Variants in CDH4 observed in about 807,000 individuals in gnomAD.
CDH4 encodes the protein cadherin-4.
Under a neutral mutation model 86.0 loss-of-function variants are expected in CDH4, and 33 were observed. That is an observed-to-expected ratio of 0.38 (90% CI 0.29 to 0.51). The LOEUF is 0.51. CDH4 is among the 20% of genes least tolerant of loss of function. CDH4 has a pLI of 0.86. For missense variants in CDH4, 1,114 were observed against 1,307.4 expected, an observed-to-expected ratio of 0.85 and a Z score of 2.28; for synonymous variants, 555 against 549.4, an observed-to-expected ratio of 1.01 and a Z score of -0.14.
At chr20:61,255,985 A>G (rs2084095921) in intron 2 of CDH4, among the ~76,000 whole-genome samples, 1 of 152,224 alleles carries the variant, frequency 6.6e-6, no homozygotes, top group Non-Finnish European at 1.5e-5. Context: ...CTACTGACTC[A>G]TTAATCATCA....
At chr20:61,435,744 G>A (rs112686763) in intron 2 of CDH4, 17 of 152,396 alleles carry the variant, frequency 1.1e-4, no homozygotes, top group Admixed American at 3.3e-4. Context: ...GACAGGAGAC[G>A]TCCTGCAGTC....
At chr20:61,586,694 T>C (rs2086478592) in intron 2 of CDH4, among the ~76,000 whole-genome samples, 1 of 152,118 alleles carries the variant, frequency 6.6e-6, no homozygotes, top group South Asian at 2.1e-4. Flanking sequence ...AGCCAGTGAG[T>C]GGCAGAGCTG....
chr20:61,673,974 A>G (rs1026538698), intron 2 of CDH4, among the ~76,000 whole-genome samples: 2 of 152,218 alleles, frequency 1.3e-5, no homozygotes, highest in South Asian at 2.1e-4. Flanking sequence ...CAGTCTTAAC[A>G]TATATCTTAA....
intron 2 of CDH4, among the ~76,000 whole-genome samples, chr20:61,675,892 C>A (rs2087439951): frequency 6.6e-6 from 1 of 152,254 alleles, no homozygotes; most frequent in South Asian, 2.1e-4. Context: ...GGGTGCCCCT[C>A]ACTGTGCTTT....
chr20:61,752,907 G>C (rs1184747147), intron 3 of CDH4, among the ~76,000 whole-genome samples: 5 of 152,242 alleles, frequency 3.3e-5, no homozygotes, highest in Non-Finnish European at 4.4e-5. Context: ...GGGGACACCA[G>C]AGGGTGGGAG....
intron 7 of CDH4, among the ~76,000 whole-genome samples, chr20:61,886,520 AGGAGCATGCAT>A: frequency 6.6e-6 from 1 of 152,180 alleles, no homozygotes; most frequent in Middle Eastern, 3.4e-3. Flanking sequence ...AGCCCAGGAC[AGGAGCATGCAT>A]CCAGCAGGGC....
At chr20:61,866,555 A>G (rs1983560200) in intron 6 of CDH4, among the ~76,000 whole-genome samples, 1 of 152,064 alleles carries the variant, frequency 6.6e-6, no homozygotes, top group Admixed American at 6.5e-5. Context: ...CATTTCTTTG[A>G]TCAATAATAA....
chr20:61,362,811 G>A (rs1168360696), intron 2 of CDH4, among the ~76,000 whole-genome samples: 1 of 152,108 alleles, frequency 6.6e-6, no homozygotes, highest in Admixed American at 6.5e-5. Context: ...TTCTGTGTTG[G>A]GCCAGAGGAG....
At chr20:61,661,304 A>C (rs1264448650) in intron 2 of CDH4, among the ~76,000 whole-genome samples, 1 of 152,178 alleles carries the variant, frequency 6.6e-6, no homozygotes, top group Non-Finnish European at 1.5e-5. Flanking sequence ...CAGATGGGAA[A>C]GCTGGATTTT....
chr20:61,651,716 TA>T (rs552229170), intron 2 of CDH4, among the ~76,000 whole-genome samples: 1 of 152,246 alleles, frequency 6.6e-6, no homozygotes, highest in South Asian at 2.1e-4. Context: ...AATTCCCAAT[TA>T]TTTTTTTATC....
intron 8 of CDH4, among the ~76,000 whole-genome samples, chr20:61,897,275 C>T (rs1311100566): frequency 6.6e-6 from 1 of 152,072 alleles, no homozygotes; most frequent in Non-Finnish European, 1.5e-5. Flanking sequence ...CCCTACCCCT[C>T]GTCTCTGGTC....
intron 2 of CDH4, among the ~76,000 whole-genome samples, chr20:61,547,819 A>C (rs1175016344): frequency 6.6e-6 from 1 of 152,222 alleles, no homozygotes; most frequent in African/African-American, 2.4e-5. Context: ...ACATGTGTGC[A>C]TGCCTGCACA....
At chr20:61,415,802 C>G (rs1442398970) in intron 2 of CDH4, among the ~76,000 whole-genome samples, 1 of 152,058 alleles carries the variant, frequency 6.6e-6, no homozygotes, top group African/African-American at 2.4e-5. Context: ...CAGGTTCAAG[C>G]AATTCTTGTG....
chr20:61,378,710 G>T (rs1370359662), intron 2 of CDH4, among the ~76,000 whole-genome samples: 1 of 152,182 alleles, frequency 6.6e-6, no homozygotes, highest in African/African-American at 2.4e-5. Context: ...AGGTTCTAGG[G>T]ATTGACAAGG....
intron 2 of CDH4, among the ~76,000 whole-genome samples, chr20:61,451,756 A>T (rs1164865386): frequency 2.6e-5 from 4 of 152,096 alleles, no homozygotes; most frequent in African/African-American, 9.7e-5. Flanking sequence ...TGGACTCTGG[A>T]CAGGGCAGGA....
chr20:61,546,299 T>C (rs1297527652), intron 2 of CDH4, among the ~76,000 whole-genome samples: 1 of 145,006 alleles, frequency 6.9e-6, no homozygotes, highest in Non-Finnish European at 1.5e-5. Flanking sequence ...CGAGTGTGCA[T>C]GAGTATGCAT....
chr20:61,877,800 C>T (rs1267516494), intron 7 of CDH4, among the ~76,000 whole-genome samples: 1 of 152,176 alleles, frequency 6.6e-6, no homozygotes, highest in Non-Finnish European at 1.5e-5. Context: ...CGTGGGGGGA[C>T]AGCAGAGCCA....
At chr20:61,852,603 G>C (rs1982776272) in intron 5 of CDH4, 151 bp from the exon 6 acceptor site, 7 of 633,390 alleles carry the variant, frequency 1.1e-5, no homozygotes, top group Non-Finnish European at 1.7e-5. Context: ...GAGGCTCAGA[G>C]AATTCCATGA....
chr20:61,575,225 A>T (rs2086373604), intron 2 of CDH4, among the ~76,000 whole-genome samples: 1 of 152,038 alleles, frequency 6.6e-6, no homozygotes, highest in African/African-American at 2.4e-5. Flanking sequence ...CTCTAGGTTG[A>T]CTCTTCAGTC....
Sources: allele counts gnomAD v4.1 joint callset (sites outside exome capture counted in the v4.1 genomes callset), GRCh38; gene constraint gnomAD v4.1.1; transcripts MANE v1.5; gene names NCBI Gene and HGNC (gene_info 2026-07-23, HGNC 2026-07-21).